SORCS2: variants seen among roughly 807,000 people sequenced by gnomAD.
The protein encoded by SORCS2 is sortilin related VPS10 domain containing receptor 2, also known as VPS10 domain-containing receptor SorCS2.
SORCS2 carries 100 observed loss-of-function variants against 141.6 expected under a neutral mutation model. That is an observed-to-expected ratio of 0.71 (90% CI 0.60 to 0.83). The LOEUF is 0.83. SORCS2 is among the 40% of genes least tolerant of loss of function. The pLI is 0.00. For synonymous variants in SORCS2, 789 were observed against 676.9 expected (o/e 1.17, Z -2.57); for missense variants, 1,646 against 1,560.2 (o/e 1.05, Z -0.93).
At chr4:7,454,282 T>G (rs1728708349) in intron 2 of SORCS2, among the ~76,000 whole-genome samples, 1 of 104,296 alleles carries the variant, frequency 9.6e-6, no homozygotes, top group South Asian at 3.6e-4. Flanking sequence ...GGCTCCGTGT[T>G]GGGGTCAGGC....
At chr4:7,342,078 C>T (rs1036293609) in intron 1 of SORCS2, among the ~76,000 whole-genome samples, 2 of 152,218 alleles carry the variant, frequency 1.3e-5, no homozygotes, top group Admixed American at 6.5e-5. Flanking sequence ...GAATAGACCA[C>T]ATTTTGTGTA....
At chr4:7,439,049 G>A (rs1348131399) in intron 2 of SORCS2, among the ~76,000 whole-genome samples, 1 of 152,084 alleles carries the variant, frequency 6.6e-6, no homozygotes, top group Non-Finnish European at 1.5e-5. Flanking sequence ...CAGGGAACAT[G>A]GTGTTTAGAA....
chr4:7,640,950 C>T (rs753804827), intron 4 of SORCS2, among the ~76,000 whole-genome samples: 1 of 152,100 alleles, frequency 6.6e-6, no homozygotes, highest in African/African-American at 2.4e-5. Context: ...ACTGTCTACA[C>T]AGGTCAGTCT....
intron 4 of SORCS2, among the ~76,000 whole-genome samples, chr4:7,651,028 C>G (rs1343618752): frequency 1.3e-5 from 2 of 151,982 alleles, no homozygotes; most frequent in East Asian, 3.9e-4. Context: ...AAACATAACG[C>G]AAATCAAAGA....
intron 1 of SORCS2, among the ~76,000 whole-genome samples, chr4:7,253,410 C>T (rs899999352): frequency 1.3e-5 from 2 of 151,902 alleles, no homozygotes; most frequent in Non-Finnish European, 2.9e-5. Flanking sequence ...TGACACGGGC[C>T]GTCCCCCTGT....
chr4:7,736,999 C>A, intron 25 of SORCS2, 70 bp from the exon 26 acceptor site: 1 of 1,533,484 alleles, frequency 6.5e-7, no homozygotes, highest in Non-Finnish European at 8.8e-7. Flanking sequence ...AGGCGGCCAG[C>A]GGAAGGCTCC....
chr4:7,258,341 C>G (rs920144661), intron 1 of SORCS2, among the ~76,000 whole-genome samples: 1 of 152,106 alleles, frequency 6.6e-6, no homozygotes, highest in Non-Finnish European at 1.5e-5. Flanking sequence ...ATGTTCCCCT[C>G]TCTGTCCATG....
At chr4:7,637,262 C>T (rs1333600312) in intron 3 of SORCS2, among the ~76,000 whole-genome samples, 1 of 152,222 alleles carries the variant, frequency 6.6e-6, no homozygotes, top group Admixed American at 6.5e-5. Context: ...CACCTGGCTG[C>T]TGCTCCAGCC....
At chr4:7,288,955 C>G (rs1018289687) in intron 1 of SORCS2, among the ~76,000 whole-genome samples, 2 of 152,008 alleles carry the variant, frequency 1.3e-5, no homozygotes, top group Non-Finnish European at 2.9e-5. Flanking sequence ...GGAAGCCTTC[C>G]TATCTTTCCT....
chr4:7,650,297 C>T (rs1241910178), intron 4 of SORCS2, among the ~76,000 whole-genome samples: 2 of 152,176 alleles, frequency 1.3e-5, no homozygotes, highest in South Asian at 2.1e-4. Context: ...GCAAAGGGCC[C>T]GGCTGGTGCT....
chr4:7,577,865 G>A (rs1715869193), intron 3 of SORCS2, among the ~76,000 whole-genome samples: 1 of 150,684 alleles, frequency 6.6e-6, no homozygotes, highest in South Asian at 2.1e-4. Context: ...TAGCATATAG[G>A]CGAAGTCAGC....
chr4:7,702,028 G>A (rs1224198382), intron 12 of SORCS2, among the ~76,000 whole-genome samples: 2 of 152,116 alleles, frequency 1.3e-5, no homozygotes, highest in African/African-American at 2.4e-5. Context: ...GTTCCTGGAA[G>A]CTCTGCACAG....
chr4:7,264,968 C>T (rs1274856378), intron 1 of SORCS2, among the ~76,000 whole-genome samples: 1 of 152,262 alleles, frequency 6.6e-6, no homozygotes. Context: ...GCCGCTCCTC[C>T]AGCATTGCTG....
At chr4:7,356,167 G>A (rs911843818) in intron 1 of SORCS2, among the ~76,000 whole-genome samples, 1 of 152,192 alleles carries the variant, frequency 6.6e-6, no homozygotes, top group South Asian at 2.1e-4. Context: ...TGGCCCTCAG[G>A]GCCACTCACC....
chr4:7,532,435 G>A (rs1273052626), intron 3 of SORCS2, among the ~76,000 whole-genome samples: 5 of 152,222 alleles, frequency 3.3e-5, no homozygotes, highest in East Asian at 3.8e-4. Context: ...CATGATGCTC[G>A]GCATGAGGTG....
At chr4:7,249,714 C>G (rs553062290) in intron 1 of SORCS2, among the ~76,000 whole-genome samples, 3 of 152,146 alleles carry the variant, frequency 2.0e-5, no homozygotes, top group Non-Finnish European at 4.4e-5. Context: ...CTCAAGCCCT[C>G]GCACAAAGCA....
chr4:7,521,808 G>A (rs1733347966), intron 2 of SORCS2, among the ~76,000 whole-genome samples: 1 of 152,210 alleles, frequency 6.6e-6, no homozygotes, highest in Non-Finnish European at 1.5e-5. Context: ...CTCAAGAGGG[G>A]TTCTGGGGTC....
intron 1 of SORCS2, among the ~76,000 whole-genome samples, chr4:7,335,316 A>G (rs1577412990): frequency 6.6e-6 from 1 of 152,340 alleles, no homozygotes; most frequent in South Asian, 2.1e-4. Context: ...GAAAAAAGAG[A>G]AAGTGTTTCT....
rs1725199073 is a variant in SORCS2 at position 7,703,272 on chromosome 4, C to T, written c.1669-8C>T. ...CCCTGCCCTCAGCCACACCACTCTC[C>T]TCTGCAGGTGTTTGAGGAAGAGCAT... On this transcript the variant is annotated splice_polypyrimidine_tract_variant and splice_region_variant and intron_variant, in intron 12 of 26. Coordinates refer to ENST00000507866, the MANE Select transcript of SORCS2 (RefSeq NM_020777.3). 2 of 1,608,990 alleles carry T rather than the reference C, an allele frequency of 1.2e-6. No individual in the cohort carries two copies. The highest frequency in any genetic ancestry group is 1.3e-5 in the African/African-American group (1 of 74,964).
Sources: allele counts gnomAD v4.1 joint callset (sites outside exome capture counted in the v4.1 genomes callset), GRCh38; gene constraint gnomAD v4.1.1; transcripts MANE v1.5; gene names NCBI Gene and HGNC (gene_info 2026-07-23, HGNC 2026-07-21).